The following CDKAL1 variants were observed in gnomAD, a reference collection of about 807,000 sequenced individuals.
CDKAL1 encodes threonylcarbamoyladenosine tRNA methylthiotransferase.
In CDKAL1, 32 loss-of-function variants were observed where a neutral mutation model predicts 68.2. That is an observed-to-expected ratio of 0.47 (90% CI 0.35 to 0.63). The LOEUF (loss-of-function observed/expected upper bound fraction) is 0.63, where lower values mean the gene tolerates loss of function less well. Among genes scored for constraint, CDKAL1 ranks in the 30% least tolerant of loss-of-function variants. The pLI, the probability that CDKAL1 is intolerant of heterozygous loss-of-function variation, is 0.00. For synonymous variants in CDKAL1, 234 were observed against 244.3 expected (o/e 0.96, Z 0.39); for missense variants, 606 against 696.7 (o/e 0.87, Z 1.47).
chr6:21,062,815 A>C (rs1771214506), intron 11 of CDKAL1, among the ~76,000 whole-genome samples: 1 of 152,234 alleles, frequency 6.6e-6, no homozygotes, highest in Non-Finnish European at 1.5e-5. Context: ...GACTGTCCTC[A>C]TTGGTATGTC....
chr6:20,864,094 C>T (rs903035080), intron 9 of CDKAL1, among the ~76,000 whole-genome samples: 3 of 152,184 alleles, frequency 2.0e-5, no homozygotes, highest in Admixed American at 6.5e-5. Flanking sequence ...TTTCACTTAC[C>T]GTATTAGCCC....
chr6:20,594,542 C>T (rs1000213691), intron 4 of CDKAL1, among the ~76,000 whole-genome samples: 6 of 152,090 alleles, frequency 3.9e-5, no homozygotes, highest in Non-Finnish European at 7.3e-5. Context: ...GTAAATATTC[C>T]TCCATCCCTT....
chr6:20,756,173 C>G (rs887814071), intron 6 of CDKAL1: 1 of 152,180 alleles, frequency 6.6e-6, no homozygotes, highest in Non-Finnish European at 1.5e-5. Context: ...GTCTACAGCT[C>G]CTTTGCCTAC....
At chr6:20,586,213 T>C (rs1045204209) in intron 4 of CDKAL1, among the ~76,000 whole-genome samples, 7 of 152,250 alleles carry the variant, frequency 4.6e-5, no homozygotes, top group Non-Finnish European at 1.0e-4. Flanking sequence ...TTACCTGTTT[T>C]ATCTCCTAGC....
intron 4 of CDKAL1, among the ~76,000 whole-genome samples, chr6:20,625,926 T>C (rs1416370088): frequency 6.6e-6 from 1 of 152,190 alleles, no homozygotes; most frequent in Non-Finnish European, 1.5e-5. Flanking sequence ...AATAATGCTG[T>C]CTGCAAGATC....
intron 4 of CDKAL1, among the ~76,000 whole-genome samples, chr6:20,600,017 C>T (rs1041531742): frequency 2.6e-5 from 4 of 152,134 alleles, no homozygotes; most frequent in Admixed American, 2.6e-4. Context: ...TGTATCAAAT[C>T]CTCCCTATGT....
chr6:21,086,514 G>A (rs1367897440), intron 12 of CDKAL1, among the ~76,000 whole-genome samples: 1 of 152,148 alleles, frequency 6.6e-6, no homozygotes, highest in Non-Finnish European at 1.5e-5. Context: ...CCATGCCAGC[G>A]CCTAGGTGGG....
chr6:21,069,483 C>T (rs1771637808), intron 12 of CDKAL1, among the ~76,000 whole-genome samples: 2 of 152,102 alleles, frequency 1.3e-5, no homozygotes. Flanking sequence ...ATTAACCTTG[C>T]ATTCCTGTAA....
In CDKAL1 at chr6:20,541,444, A is replaced by G. The variant is rs143636491; in HGVS notation, c.-5-4902A>G. On this transcript the variant is annotated intron_variant, in intron 2 of 15. Coordinates refer to ENST00000274695, the MANE Select transcript of CDKAL1 (RefSeq NM_017774.3). ...CTGTAGCAGACAAGAGGGCTCTGGT[A>G]TCCCCAAGTTGACATCCTCCCAACT... is the stretch of plus-strand genomic sequence containing the variant. Among the ~76,000 whole-genome samples the G allele has an allele frequency of 1.7e-3, 255 of 152,290 alleles. 1 individual carries two copies. Among genetic ancestry groups the G allele is most frequent in the Non-Finnish European group, 3.4e-3 (229 of 68,012 alleles).
intron 4 of CDKAL1, among the ~76,000 whole-genome samples, chr6:20,598,305 G>A (rs1765928805): frequency 1.3e-5 from 2 of 152,192 alleles, no homozygotes; most frequent in South Asian, 4.1e-4. Flanking sequence ...CTTTGGTGTG[G>A]GCTAGTTTTG....
At chr6:20,576,638 T>C (rs954475216) in intron 4 of CDKAL1, among the ~76,000 whole-genome samples, 1 of 152,206 alleles carries the variant, frequency 6.6e-6, no homozygotes, top group Non-Finnish European at 1.5e-5. Context: ...AGATGGTAAA[T>C]TTTGCAATGC....
At chr6:20,862,067 C>A (rs373699937) in intron 9 of CDKAL1, among the ~76,000 whole-genome samples, 1 of 151,980 alleles carries the variant, frequency 6.6e-6, no homozygotes, top group East Asian at 1.9e-4. Flanking sequence ...ATTATAATAC[C>A]GTTACATTTA....
chr6:21,167,429 C>G (rs916279851), intron 13 of CDKAL1, among the ~76,000 whole-genome samples: 3 of 152,112 alleles, frequency 2.0e-5, no homozygotes, highest in African/African-American at 7.2e-5. Flanking sequence ...TAGCCTGGAA[C>G]CAAAGATGGC....
intron 13 of CDKAL1, among the ~76,000 whole-genome samples, chr6:21,159,032 G>T (rs1776777592): frequency 6.6e-6 from 1 of 150,410 alleles, no homozygotes; most frequent in South Asian, 2.1e-4. Context: ...TGTCAACATA[G>T]TTAATAATCT....
chr6:20,865,307 A>C lies in CDKAL1; in HGVS notation c.742+19129A>C, dbSNP rs887120242. 2.0e-5 allele frequency among the ~76,000 whole-genome samples: 3 copies of C among 152,170 alleles called. No individual in the cohort carries two copies. In the East Asian group the frequency reaches 5.8e-4, roughly 29 times the overall value. On this transcript the variant is annotated intron_variant, in intron 9 of 15. Coordinates refer to ENST00000274695, the MANE Select transcript of CDKAL1 (RefSeq NM_017774.3). ...TATAGGTGCAATTTAGTTTATTATGATAACTGGGGTCATTTCATCAGTTTG... is the reference window on the plus strand; with the variant it reads ...TATAGGTGCAATTTAGTTTATTATGCTAACTGGGGTCATTTCATCAGTTTG...
At chr6:20,782,182 A>G (rs1254049901) in intron 8 of CDKAL1, among the ~76,000 whole-genome samples, 1 of 152,108 alleles carries the variant, frequency 6.6e-6, no homozygotes, top group Admixed American at 6.5e-5. Flanking sequence ...TAGTCTCACC[A>G]CTTTCTGGTT....
chr6:21,213,422 C>T (rs1008201771), intron 15 of CDKAL1, among the ~76,000 whole-genome samples: 13 of 152,170 alleles, frequency 8.5e-5, no homozygotes, highest in Non-Finnish European at 1.8e-4. Context: ...CCCTAATCAC[C>T]TATATGCCAT....
At chr6:21,183,883 C>A (rs1034606901) in intron 13 of CDKAL1, among the ~76,000 whole-genome samples, 26 of 152,166 alleles carry the variant, frequency 1.7e-4, no homozygotes, top group Non-Finnish European at 2.4e-4. Flanking sequence ...CCCCAACCAA[C>A]TGAATGCACC....
intron 8 of CDKAL1, among the ~76,000 whole-genome samples, chr6:20,798,036 GAACT>G (rs1561786351): frequency 6.6e-6 from 1 of 151,794 alleles, no homozygotes; most frequent in South Asian, 2.1e-4. Context: ...GGCTGGTCTT[GAACT>G]CCTGGGCTCA....
Sources: gnomAD v4.1 joint callset for allele counts (sites outside exome capture counted in the v4.1 genomes callset) on GRCh38, gnomAD v4.1.1 for gene constraint, MANE v1.5 for transcripts, NCBI Gene and HGNC (gene_info 2026-07-23, HGNC 2026-07-21) for gene names.